The following SLC25A37 variants were observed in gnomAD, a reference collection of about 807,000 sequenced individuals.
The protein encoded by SLC25A37 is solute carrier family 25 member 37.
Under a neutral mutation model 31.0 loss-of-function variants are expected in SLC25A37, and 17 were observed. That is an observed-to-expected ratio of 0.55 (90% CI 0.38 to 0.82). The LOEUF is 0.82. Ranked by LOEUF, SLC25A37 falls within the 40% of genes least tolerant of loss-of-function variation. The probability of loss-of-function intolerance (pLI) is 0.00; values close to 1 mark genes in which losing one functional copy is unlikely to be tolerated. For synonymous variants in SLC25A37, 222 were observed against 193.0 expected (o/e 1.15, Z -1.24); for missense variants, 404 against 465.8 (o/e 0.87, Z 1.22).
chr8:23,541,152 A>G (rs528861684), intron 1 of SLC25A37, among the ~76,000 whole-genome samples: 127 of 152,130 alleles, frequency 8.3e-4, no homozygotes, highest in Admixed American at 5.4e-3. Flanking sequence ...CAGCATGCTC[A>G]TTTCGTGGTA....
rs1802898097 is a variant in SLC25A37, at chr8:23,572,788, C to G, written c.*933C>G. On this transcript the variant is annotated 3_prime_UTR_variant, in exon 4 of 4. Transcript: ENST00000519973. ...CTCGCCCGCTGGAGGGTGGTGGAGC[C>G]CAGTAGAATTGGGGTGACTGGGCAT... The G allele has an allele frequency of 6.6e-6, 1 of 152,028 alleles. No homozygotes were observed. Among genetic ancestry groups the G allele is most frequent in the Admixed American group, 6.6e-5 (1 of 15,258 alleles). 9.4% of individuals were successfully genotyped at this position (152,028 alleles called of 1,614,324 possible).
At chr8:23,562,918 G>T (rs943597556) in intron 1 of SLC25A37, among the ~76,000 whole-genome samples, 7 of 152,086 alleles carry the variant, frequency 4.6e-5, no homozygotes, top group African/African-American at 1.7e-4. Context: ...TAAGAAGAAG[G>T]CAGGTGACAC....
chr8:23,546,862 A>G, intron 1 of SLC25A37, among the ~76,000 whole-genome samples: 1 of 151,860 alleles, frequency 6.6e-6, no homozygotes, highest in African/African-American at 2.4e-5. Flanking sequence ...AAGGAGTTAG[A>G]ACTGTAATTT....
intron 1 of SLC25A37, among the ~76,000 whole-genome samples, chr8:23,542,521 A>G (rs1801922664): frequency 6.6e-6 from 1 of 151,704 alleles, no homozygotes; most frequent in Non-Finnish European, 1.5e-5. Context: ...CTGAGATTAC[A>G]GGCATGCACC....
At chr8:23,561,678 C>T (rs1259517623) in intron 1 of SLC25A37, among the ~76,000 whole-genome samples, 2 of 152,226 alleles carry the variant, frequency 1.3e-5, no homozygotes, top group African/African-American at 2.4e-5. Context: ...GGGGTAATTC[C>T]CTACTGCCCA....
chr8:23,542,859 G>A lies in SLC25A37; in HGVS notation c.210+13647G>A, dbSNP rs1013083184. ...TCTGTAAGCCTAGGCTAATGTGTAT[G>A]TTTAAGAAAAAAGTTTAAAAAGTAA... On this transcript the variant is annotated intron_variant, in intron 1 of 3. Coordinates refer to ENST00000519973, the MANE Select transcript of SLC25A37 (RefSeq NM_016612.4). 5.3e-5 allele frequency among the ~76,000 whole-genome samples: 8 copies of A among 151,824 alleles called. No homozygotes were observed. In the South Asian group the frequency reaches 1.5e-3, roughly 28 times the overall value.
Position 23,538,033 on chromosome 8 carries a change from G to A in SLC25A37, c.210+8821G>A, listed in dbSNP as rs17089334. 4.3e-3 allele frequency among the ~76,000 whole-genome samples: 648 copies of A among 151,368 alleles called. 7 individuals carry two copies. The highest frequency in any genetic ancestry group is 0.015 in the African/African-American group (623 of 41,258). ...TTCTGTGAATATTGGTTGAATGAAG[G>A]AAGGCACGGCTTTTTAAAAAAGATG... On this transcript the variant is annotated intron_variant, in intron 1 of 3. Transcript: ENST00000519973.
chr8:23,535,893 C>A (rs1431225028), intron 1 of SLC25A37, among the ~76,000 whole-genome samples: 1 of 152,166 alleles, frequency 6.6e-6, no homozygotes, highest in Non-Finnish European at 1.5e-5. Context: ...GATTCAATTA[C>A]CTCCCACTGG....
intron 1 of SLC25A37, among the ~76,000 whole-genome samples, chr8:23,565,711 C>T (rs536273572): frequency 1.3e-3 from 192 of 152,334 alleles, no homozygotes; most frequent in Non-Finnish European, 1.7e-3. Context: ...GACAATTCTA[C>T]ATCTATCTAG....
intron 1 of SLC25A37, among the ~76,000 whole-genome samples, chr8:23,546,222 G>A (rs1802033996): frequency 6.6e-6 from 1 of 151,974 alleles, no homozygotes; most frequent in South Asian, 2.1e-4. Context: ...GATTGCTTGA[G>A]CCCAGGAGTT....
chr8:23,546,361 A>G (rs1802037643), intron 1 of SLC25A37, among the ~76,000 whole-genome samples: 1 of 151,688 alleles, frequency 6.6e-6, no homozygotes, highest in Admixed American at 6.6e-5. Context: ...GAGAAGGGTT[A>G]TCTGTGAAAG....
intron 1 of SLC25A37, among the ~76,000 whole-genome samples, chr8:23,546,488 GGT>G (rs1227758137): frequency 7.2e-6 from 1 of 139,390 alleles, no homozygotes; most frequent in African/African-American, 2.6e-5. Context: ...TGAATTTTAA[GGT>G]GTGTGTGTAT....
intron 1 of SLC25A37, among the ~76,000 whole-genome samples, chr8:23,564,933 C>CTACCTACG (rs918012306): frequency 6.6e-6 from 1 of 152,038 alleles, no homozygotes; most frequent in African/African-American, 2.4e-5. Context: ...TCTGATCTAC[C>CTACCTACG]TACCTACGTA....
intron 1 of SLC25A37, among the ~76,000 whole-genome samples, chr8:23,561,297 C>G (rs1024373917): frequency 3.3e-5 from 5 of 152,084 alleles, no homozygotes; most frequent in African/African-American, 9.7e-5. Flanking sequence ...TCCAACTGCT[C>G]TACCCCTAAT....
chr8:23,550,413 G>A (rs1563258324), intron 1 of SLC25A37, among the ~76,000 whole-genome samples: 1 of 152,216 alleles, frequency 6.6e-6, no homozygotes, highest in Non-Finnish European at 1.5e-5. Flanking sequence ...TATACGTGGA[G>A]GAATGAGCAA....
At chr8:23,546,507 A>G (rs1397651865) in intron 1 of SLC25A37, among the ~76,000 whole-genome samples, 1 of 104,972 alleles carries the variant, frequency 9.5e-6, no homozygotes, top group Non-Finnish European at 1.7e-5. Flanking sequence ...GTATATATAT[A>G]TATAGGTATA....
chr8:23,539,754 G>T (rs890302286), intron 1 of SLC25A37, among the ~76,000 whole-genome samples: 7 of 152,230 alleles, frequency 4.6e-5, no homozygotes, highest in African/African-American at 1.7e-4. Context: ...ACCTTAACAT[G>T]CAAAGCTAAT....
chr8:23,570,516 C>T (rs1296537952), intron 3 of SLC25A37, among the ~76,000 whole-genome samples: 6 of 152,258 alleles, frequency 3.9e-5, no homozygotes, highest in African/African-American at 1.4e-4. Flanking sequence ...TCTTGGGCTT[C>T]TTTTTATGAC....
At chr8:23,539,562 G>A (rs1264948623) in intron 1 of SLC25A37, among the ~76,000 whole-genome samples, 10 of 152,192 alleles carry the variant, frequency 6.6e-5, no homozygotes, top group Non-Finnish European at 1.5e-4. Flanking sequence ...AAACTGGGGC[G>A]GGGTGTGGGC....
Sources: allele counts gnomAD v4.1 joint callset (sites outside exome capture counted in the v4.1 genomes callset), GRCh38; gene constraint gnomAD v4.1.1; transcripts MANE v1.5; gene names NCBI Gene and HGNC (gene_info 2026-07-23, HGNC 2026-07-21).